The following LYZL4 variants were observed in gnomAD, a reference collection of about 807,000 sequenced individuals.
The protein encoded by LYZL4 is lysozyme like 4.
Under a neutral mutation model 17.6 loss-of-function variants are expected in LYZL4, and 13 were observed. That is an observed-to-expected ratio of 0.74 (90% CI 0.48 to 1.18). The LOEUF (loss-of-function observed/expected upper bound fraction) is 1.18. LYZL4 is among the 50% of genes most tolerant of loss of function. LYZL4 has a pLI of 0.00. For missense variants in LYZL4, 174 were observed against 188.2 expected, an observed-to-expected ratio of 0.92 and a Z score of 0.44; for synonymous variants, 64 against 67.7, an observed-to-expected ratio of 0.95 and a Z score of 0.27.
downstream of LYZL4, among the ~76,000 whole-genome samples, chr3:42,394,631 T>A (rs1698527602): frequency 6.6e-6 from 1 of 152,212 alleles, no homozygotes; most frequent in Non-Finnish European, 1.5e-5. Flanking sequence ...CCAGCTTGGA[T>A]CATTCTGTAA....
the LYZL4 span, among the ~76,000 whole-genome samples, chr3:42,381,845 C>G: frequency 6.6e-6 from 1 of 152,202 alleles, no homozygotes; most frequent in Non-Finnish European, 1.5e-5. Context: ...GACCTCCCTC[C>G]TAAAGGCGGA....
At chr3:42,408,483 A>G (rs1577159175) in intron 1 of LYZL4, among the ~76,000 whole-genome samples, 1 of 152,096 alleles carries the variant, frequency 6.6e-6, no homozygotes, top group Non-Finnish European at 1.5e-5. Flanking sequence ...CCGGGTGCCA[A>G]CTTCTTGAAT....
intron 4 of LYZL4, among the ~76,000 whole-genome samples, chr3:42,401,242 G>A (rs111788105): frequency 0.03 from 4,542 of 151,990 alleles, 223 homozygotes; most frequent in African/African-American, 0.1. Context: ...ACAGAGTCTC[G>A]CTCTGTTGCC....
At chr3:42,405,016 G>A (rs1026951449) in intron 3 of LYZL4, among the ~76,000 whole-genome samples, 1 of 151,934 alleles carries the variant, frequency 6.6e-6, no homozygotes, top group Non-Finnish European at 1.5e-5. Flanking sequence ...GTCCCCATTT[G>A]GAGGACCTCT....
the LYZL4 span, among the ~76,000 whole-genome samples, chr3:42,380,495 C>G: frequency 2.6e-5 from 4 of 152,296 alleles, no homozygotes; most frequent in African/African-American, 9.6e-5. Flanking sequence ...TAATACTTCC[C>G]TTGTCAATGT....
the LYZL4 span, among the ~76,000 whole-genome samples, chr3:42,379,174 A>C: frequency 3.3e-5 from 5 of 152,274 alleles, no homozygotes; most frequent in Non-Finnish European, 7.4e-5. Flanking sequence ...CATGGCATCA[A>C]CTGGGACAGC....
chr3:42,389,552 G>A, the LYZL4 span, among the ~76,000 whole-genome samples: 12 of 152,168 alleles, frequency 7.9e-5, no homozygotes, highest in African/African-American at 1.7e-4. Context: ...GCATAGCACC[G>A]TAGGGTCTTA....
intron 4 of LYZL4, among the ~76,000 whole-genome samples, chr3:42,403,739 A>C (rs1698700612): frequency 6.6e-6 from 1 of 152,264 alleles, no homozygotes; most frequent in African/African-American, 2.4e-5. Context: ...AGGAACTTAA[A>C]GGATAGAAAT....
chr3:42,399,589 TGGACACTG>T (rs1010472084), intron 4 of LYZL4, among the ~76,000 whole-genome samples: 1 of 152,220 alleles, frequency 6.6e-6, no homozygotes, highest in Non-Finnish European at 1.5e-5. Context: ...CAGCTCAGTG[TGGACACTG>T]GGATTCCATG....
chr3:42,365,801 T>C, the LYZL4 span, among the ~76,000 whole-genome samples: 1 of 152,204 alleles, frequency 6.6e-6, no homozygotes, highest in African/African-American at 2.4e-5. Context: ...AGTTAAGTAG[T>C]AGAAACATGA....
chr3:42,407,879 C>T lies in LYZL4; in HGVS notation c.-92-536G>A, dbSNP rs115089123. ...CTCCCCTGAGTTTTTCCCTGCCGTCCACGCAATGAGACAAGCCCAGACCTG... is the reference window on the plus strand; with the variant it reads ...CTCCCCTGAGTTTTTCCCTGCCGTCTACGCAATGAGACAAGCCCAGACCTG... On this transcript the variant is annotated intron_variant, in intron 1 of 4. Transcript: ENST00000287748. 1.7e-3 allele frequency among the ~76,000 whole-genome samples: 258 copies of T among 152,188 alleles called. 1 individual carries two copies. The highest frequency in any genetic ancestry group is 5.7e-3 in the African/African-American group (236 of 41,506).
At chr3:42,405,792 G>A (rs1373775643) in intron 3 of LYZL4, among the ~76,000 whole-genome samples, 1 of 152,036 alleles carries the variant, frequency 6.6e-6, no homozygotes, top group Non-Finnish European at 1.5e-5. Context: ...CAGCTGTGTG[G>A]TCTTGGGCAT....
chr3:42,399,505 G>A (rs577955992), intron 4 of LYZL4, among the ~76,000 whole-genome samples: 10 of 152,260 alleles, frequency 6.6e-5, no homozygotes, highest in Non-Finnish European at 1.0e-4. Flanking sequence ...CTGTTACAGC[G>A]ATGGCAGAGA....
the LYZL4 span, among the ~76,000 whole-genome samples, chr3:42,365,839 T>A: frequency 3.3e-5 from 5 of 152,228 alleles, no homozygotes; most frequent in Non-Finnish European, 7.3e-5. Context: ...TTTTTACTTA[T>A]TGGCATTTTT....
the LYZL4 span, among the ~76,000 whole-genome samples, chr3:42,383,350 C>T: frequency 2.7e-5 from 4 of 149,918 alleles, no homozygotes; most frequent in African/African-American, 9.8e-5. Flanking sequence ...GACCTGACAT[C>T]AGTGATGCCT....
chr3:42,382,123 G>A, the LYZL4 span, among the ~76,000 whole-genome samples: 3 of 152,196 alleles, frequency 2.0e-5, no homozygotes, highest in African/African-American at 2.4e-5. Context: ...TGCCAGAAAC[G>A]GTGCTCAGTG....
the LYZL4 span, among the ~76,000 whole-genome samples, chr3:42,369,915 T>C: frequency 6.6e-6 from 1 of 152,068 alleles, no homozygotes; most frequent in Non-Finnish European, 1.5e-5. Context: ...GGCGTGGTGA[T>C]GCATACCTGT....
intron 4 of LYZL4, among the ~76,000 whole-genome samples, chr3:42,397,828 T>G (rs1698581404): frequency 6.6e-6 from 1 of 152,152 alleles, no homozygotes; most frequent in Non-Finnish European, 1.5e-5. Context: ...TTCCAACTCT[T>G]TAGCCCCACC....
chr3:42,394,837 G>A (rs547273941), downstream of LYZL4, among the ~76,000 whole-genome samples: 12 of 152,292 alleles, frequency 7.9e-5, no homozygotes, highest in African/African-American at 2.6e-4. Flanking sequence ...GGAAAGAGGC[G>A]GCAGCGCGCT....
Sources: gnomAD v4.1 joint callset for allele counts (sites outside exome capture counted in the v4.1 genomes callset) on GRCh38, gnomAD v4.1.1 for gene constraint, MANE v1.5 for transcripts, NCBI Gene and HGNC (gene_info 2026-07-23, HGNC 2026-07-21) for gene names.